FBXO25: variants seen among roughly 807,000 people sequenced by gnomAD.
FBXO25 encodes F-box protein 25.
FBXO25 carries 45 observed loss-of-function variants against 51.9 expected under a neutral mutation model. That is an observed-to-expected ratio of 0.87 (90% CI 0.68 to 1.11). FBXO25 has a LOEUF of 1.11. FBXO25 is among the 50% of genes most tolerant of loss of function. The pLI, the probability that FBXO25 is intolerant of heterozygous loss-of-function variation, is 0.00. For synonymous variants in FBXO25, 199 were observed against 151.0 expected, an observed-to-expected ratio of 1.32 and a Z score of -2.33; for missense variants, 507 against 428.5, an observed-to-expected ratio of 1.18 and a Z score of -1.62.
At chr8:422,319 G>A (rs1375774045) in intron 2 of FBXO25, among the ~76,000 whole-genome samples, 1 of 152,218 alleles carries the variant, frequency 6.6e-6, no homozygotes, top group African/African-American at 2.4e-5. Context: ...TCCCTAAGCT[G>A]AATCAGGAGA....
At chr8:415,818 G>C (rs1434359528) in intron 2 of FBXO25, among the ~76,000 whole-genome samples, 2 of 152,232 alleles carry the variant, frequency 1.3e-5, no homozygotes, top group African/African-American at 2.4e-5. Context: ...ATAAAGGAAA[G>C]ATACTGAAGA....
chr8:420,815 G>A (rs548524321), intron 2 of FBXO25, among the ~76,000 whole-genome samples: 106 of 152,298 alleles, frequency 7.0e-4, no homozygotes, highest in Non-Finnish European at 1.4e-3. Context: ...AGAGTCAGAG[G>A]CAGTTTGGGG....
rs960463966 is a variant in FBXO25, at chr8:475,334, G to A, written c.*6530G>A. The A allele has an allele frequency of 3.1e-5, 5 of 162,520 alleles. No individual in the cohort carries two copies. The highest frequency in any genetic ancestry group is 1.2e-4 in the African/African-American group (5 of 41,442). The allele number at this position is 162,520 out of a possible 1,614,324, so 10.1% of individuals were successfully genotyped here. A position where few individuals can be genotyped will look rare whatever the true frequency, so the allele number is the denominator to read the frequency against. ...CTTTGTTTCAATACAACACCATTTT[G>A]ATTATTGTAGCTTTGTCGTAAGTTA... On this transcript the variant is annotated 3_prime_UTR_variant, in exon 10 of 10. Transcript: ENST00000350302.
intron 2 of FBXO25, among the ~76,000 whole-genome samples, chr8:424,286 G>A (rs1416697653): frequency 1.3e-5 from 2 of 152,016 alleles, no homozygotes; most frequent in African/African-American, 4.8e-5. Flanking sequence ...CGCATAGTTT[G>A]CAAATAGTTT....
At chr8:440,776 C>A (rs1447229513) in intron 5 of FBXO25, among the ~76,000 whole-genome samples, 1 of 150,652 alleles carries the variant, frequency 6.6e-6, no homozygotes, top group East Asian at 2.0e-4. Context: ...TGTGATGTTC[C>A]CCTCCCTGTG....
chr8:457,827 GA>G (rs1393381690), intron 7 of FBXO25, among the ~76,000 whole-genome samples: 4 of 152,246 alleles, frequency 2.6e-5, no homozygotes, highest in South Asian at 2.1e-4. Context: ...CCTCAATAAA[GA>G]AAAAAACCCC....
intron 5 of FBXO25, among the ~76,000 whole-genome samples, chr8:448,166 C>G (rs570326977): frequency 6.6e-6 from 1 of 152,134 alleles, no homozygotes; most frequent in South Asian, 2.1e-4. Context: ...AACAGGAAAA[C>G]AAAACAAAAG....
intron 1 of FBXO25, among the ~76,000 whole-genome samples, chr8:411,528 A>G (rs144002177): frequency 4.7e-4 from 72 of 152,014 alleles, no homozygotes; most frequent in African/African-American, 1.7e-3. Context: ...CTTTCTCTCT[A>G]GTCTAACTCT....
chr8:431,259 G>A lies in FBXO25; in HGVS notation c.135-82G>A, dbSNP rs975546361. On this transcript the variant is annotated intron_variant, in intron 2 of 9. Transcript: ENST00000350302. ...CAAGCCCACAGTCTGTCACTTTGAA[G>A]TATTTATATCCTTTTACAAAAGAAA... 29 of 702,560 alleles carry A rather than the reference G, an allele frequency of 4.1e-5. No homozygotes were observed. In the African/African-American group the frequency reaches 4.9e-4, roughly 12 times the overall value. The allele number at this position is 702,560 out of a possible 1,614,324, so 43.5% of individuals were successfully genotyped here.
intron 7 of FBXO25, among the ~76,000 whole-genome samples, chr8:454,540 T>G (rs1037973790): frequency 7.2e-5 from 11 of 152,168 alleles, no homozygotes; most frequent in East Asian, 1.9e-4. Context: ...ATAACAGATA[T>G]GCACACAGGG....
At position 473,350 on chromosome 8, in the gene FBXO25, G is replaced by C. The variant is rs186060832; in HGVS notation, c.*4546G>C. On this transcript the variant is annotated 3_prime_UTR_variant, in exon 10 of 10. Coordinates refer to ENST00000350302, the MANE Select transcript of FBXO25 (RefSeq NM_183420.2). ...GAGACAGTGTGTTCTAGGTGGTAACGTGGCACCTGCACATGCACCCCCAGC... is the reference window on the plus strand; with the variant it reads ...GAGACAGTGTGTTCTAGGTGGTAACCTGGCACCTGCACATGCACCCCCAGC... 1 of 152,326 alleles carries C rather than the reference G, an allele frequency of 6.6e-6. No individual in the cohort carries two copies. The highest frequency in any genetic ancestry group is 1.5e-5 in the Non-Finnish European group (1 of 68,078). 9.4% of individuals were successfully genotyped at this position (152,326 alleles called of 1,614,324 possible). A position where few individuals can be genotyped will look rare whatever the true frequency, so the allele number is the denominator to read the frequency against.
At chr8:412,052 T>A (rs1796510904) in intron 1 of FBXO25, among the ~76,000 whole-genome samples, 1 of 152,208 alleles carries the variant, frequency 6.6e-6, no homozygotes, top group Admixed American at 6.5e-5. Flanking sequence ...AGAAATCAAG[T>A]CAGTGGGAAG....
At position 477,518 on chromosome 8, in the gene FBXO25, C is replaced by T. The variant is rs1418948522; in HGVS notation, c.*8714C>T. The T allele has an allele frequency of 6.6e-6, 1 of 152,200 alleles. No individual in the cohort carries two copies. The highest frequency in any genetic ancestry group is 1.5e-5 in the Non-Finnish European group (1 of 68,040). The allele number at this position is 152,200 out of a possible 1,614,324, so 9.4% of individuals were successfully genotyped here. A position where few individuals can be genotyped will look rare whatever the true frequency, so the allele number is the denominator to read the frequency against. On this transcript the variant is annotated 3_prime_UTR_variant, in exon 10 of 10. Transcript: ENST00000350302. ...ACATGAAGATGAAATTATAGGATGT[C>T]TGGGATTTCCTTTGAATCCGTGGGG...
intron 5 of FBXO25, among the ~76,000 whole-genome samples, chr8:441,597 A>G (rs534428350): frequency 6.6e-6 from 1 of 152,368 alleles, no homozygotes; most frequent in African/African-American, 2.4e-5. Context: ...AGAATGGGAG[A>G]AAATTTTTGC....
intron 5 of FBXO25, among the ~76,000 whole-genome samples, chr8:444,097 A>T (rs531202081): frequency 2.6e-5 from 4 of 152,230 alleles, no homozygotes; most frequent in Non-Finnish European, 5.9e-5. Flanking sequence ...GCATTACAGC[A>T]TTGAAAGGGC....
chr8:423,996 C>T (rs999664462), intron 2 of FBXO25, among the ~76,000 whole-genome samples: 1 of 152,082 alleles, frequency 6.6e-6, no homozygotes, highest in Non-Finnish European at 1.5e-5. Context: ...TGACTAGTGT[C>T]AGATGGTATC....
intron 7 of FBXO25, among the ~76,000 whole-genome samples, chr8:457,223 G>A (rs1455965174): frequency 6.6e-6 from 1 of 152,198 alleles, no homozygotes; most frequent in African/African-American, 2.4e-5. Flanking sequence ...CGCCCAAACA[G>A]CCAGAACCCC....
intron 5 of FBXO25, among the ~76,000 whole-genome samples, chr8:441,364 AC>A (rs1453947807): frequency 6.6e-6 from 1 of 152,216 alleles, no homozygotes; most frequent in African/African-American, 2.4e-5. Flanking sequence ...ACAAAAATTA[AC>A]TCAAGATGGA....
chr8:434,857 T>G (rs1452176398), intron 4 of FBXO25, among the ~76,000 whole-genome samples: 2 of 152,214 alleles, frequency 1.3e-5, no homozygotes. Flanking sequence ...CAGCAGTGTT[T>G]ACAGTACTGA....
Sources: allele counts gnomAD v4.1 joint callset (sites outside exome capture counted in the v4.1 genomes callset), GRCh38; gene constraint gnomAD v4.1.1; transcripts MANE v1.5; gene names NCBI Gene and HGNC (gene_info 2026-07-23, HGNC 2026-07-21).